Variants in TENT2 observed in about 807,000 individuals in gnomAD.
The protein encoded by TENT2 is poly(A) RNA polymerase GLD2.
Under a neutral mutation model 72.2 loss-of-function variants are expected in TENT2, and 44 were observed. That is an observed-to-expected ratio of 0.61 (90% confidence interval 0.48 to 0.78). The LOEUF (loss-of-function observed/expected upper bound fraction) is 0.78, where lower values mean the gene tolerates loss of function less well. Among genes scored for constraint, TENT2 ranks in the 30% least tolerant of loss-of-function variants. The pLI, the probability that TENT2 is intolerant of heterozygous loss-of-function variation, is 0.00. For synonymous variants in TENT2, 212 were observed against 192.5 expected (o/e 1.10, Z -0.84); for missense variants, 541 against 569.6 (o/e 0.95, Z 0.51).
At chr5:79,652,940 A>C (rs1190535353) in intron 10 of TENT2, among the ~76,000 whole-genome samples, 1 of 152,036 alleles carries the variant, frequency 6.6e-6, no homozygotes, top group Non-Finnish European at 1.5e-5. Flanking sequence ...CTTTCATTAA[A>C]AATGGAATAG....
At chr5:79,641,592 CT>C (rs954760603) in intron 6 of TENT2, among the ~76,000 whole-genome samples, 1 of 151,296 alleles carries the variant, frequency 6.6e-6, no homozygotes, top group Non-Finnish European at 1.5e-5. Flanking sequence ...TTAATCTTTA[CT>C]TTTTTTCTCT....
intron 1 of TENT2, among the ~76,000 whole-genome samples, chr5:79,616,464 G>A (rs966803725): frequency 6.6e-6 from 1 of 151,692 alleles, no homozygotes; most frequent in African/African-American, 2.4e-5. Context: ...CAAAGTGCTG[G>A]GATTATAGGC....
Position 79,640,895 on chromosome 5 carries a change from A to T in TENT2, c.510A>T (p.Gln170His), listed in dbSNP as rs1261120619. ...AGTTATTTGAAACATGTCAGCAGCA[A>T]ATAAGTGATTTAAAGAAGAAAGAAC... Reference protein sequence around the residue: ...ILELFETCQQQISDLKKKELC... With the variant: ...ILELFETCQQHISDLKKKELC... Residue 170 changes from glutamine to histidine, a missense_variant, in exon 5 of 15, where the codon CAA becomes CAT. Gln to His is a conservative substitution (Grantham distance 24). Transcript: ENST00000453514. The T allele has an allele frequency of 9.3e-6, 15 of 1,612,106 alleles. No homozygotes were observed. The highest frequency in any genetic ancestry group is 1.2e-5 in the Non-Finnish European group (14 of 1,179,318).
intron 13 of TENT2, among the ~76,000 whole-genome samples, chr5:79,681,054 T>G (rs1413793422): frequency 6.6e-6 from 1 of 151,926 alleles, no homozygotes; most frequent in African/African-American, 2.4e-5. Flanking sequence ...AAACTGTTCC[T>G]TTGTTTTTTT....
At chr5:79,657,097 C>T in intron 11 of TENT2, 96 bp downstream of exon 11, 1 of 806,156 alleles carries the variant, frequency 1.2e-6, no homozygotes, top group Non-Finnish European at 1.9e-6. Context: ...AGTAGTAAGG[C>T]TAAGTACATG....
intron 1 of TENT2, among the ~76,000 whole-genome samples, chr5:79,615,793 A>T (rs1187632732): frequency 6.6e-6 from 1 of 151,060 alleles, no homozygotes; most frequent in East Asian, 1.9e-4. Flanking sequence ...GCTCACTCCA[A>T]CCTCCGTCTC....
intron 4 of TENT2, among the ~76,000 whole-genome samples, chr5:79,630,090 G>A (rs1444057254): frequency 2.0e-5 from 3 of 152,010 alleles, no homozygotes; most frequent in East Asian, 1.9e-4. Flanking sequence ...AGCCAACATC[G>A]CGTCACTGTA....
chr5:79,623,485 ATAAGG>A lies in TENT2; in HGVS notation c.465_465+4del. 1 of 1,589,458 alleles carries A rather than the reference ATAAGG, an allele frequency of 6.3e-7. No individual in the cohort carries two copies. ...GAAATCACACTGCCTGAGGCCAAAGATAAGGTAATAATAATGTAGATTTTAGTTTT... is the reference window on the plus strand; with the variant it reads ...GAAATCACACTGCCTGAGGCCAAAGATAATAATAATGTAGATTTTAGTTTT... On this transcript the variant is annotated splice_donor_variant and coding_sequence_variant, in exon 4 of 15. Coordinates refer to ENST00000453514, the MANE Select transcript of TENT2 (RefSeq NM_001114394.3). LOFTEE classifies it high-confidence loss of function.
At chr5:79,678,533 A>G (rs1819112651) in intron 12 of TENT2, among the ~76,000 whole-genome samples, 1 of 152,214 alleles carries the variant, frequency 6.6e-6, no homozygotes, top group Non-Finnish European at 1.5e-5. Flanking sequence ...AATACTTGTA[A>G]TAACTGTTAG....
chr5:79,646,367 A>G (rs1344308550), intron 8 of TENT2, among the ~76,000 whole-genome samples: 2 of 152,248 alleles, frequency 1.3e-5, no homozygotes, highest in African/African-American at 4.8e-5. Flanking sequence ...TGATGAGTTT[A>G]TGAAAATGTG....
chr5:79,621,688 G>A (rs1347756604), intron 3 of TENT2, among the ~76,000 whole-genome samples: 2 of 150,740 alleles, frequency 1.3e-5, no homozygotes, highest in Non-Finnish European at 3.0e-5. Context: ...AACCCAGGAG[G>A]TGGAGCTTAC....
intron 10 of TENT2, among the ~76,000 whole-genome samples, chr5:79,655,687 G>A (rs1797427916): frequency 6.6e-6 from 1 of 151,636 alleles, no homozygotes; most frequent in Non-Finnish European, 1.5e-5. Context: ...ATGCCTCTTA[G>A]GGGAAAGGAA....
At chr5:79,618,100 T>C (rs192477076) in intron 1 of TENT2, among the ~76,000 whole-genome samples, 4 of 152,372 alleles carry the variant, frequency 2.6e-5, no homozygotes, top group African/African-American at 7.2e-5. Context: ...TTTTCTCTTC[T>C]GTTGTCTTGC....
chr5:79,623,734 G>A (rs2150012056), intron 4 of TENT2: 1 of 309,532 alleles, frequency 3.2e-6, no homozygotes, highest in Non-Finnish European at 5.9e-6. Flanking sequence ...TTAGAACCCA[G>A]ACACTTTCTG....
At chr5:79,677,421 T>C (rs902840352) in intron 12 of TENT2, among the ~76,000 whole-genome samples, 4 of 152,178 alleles carry the variant, frequency 2.6e-5, no homozygotes, top group Admixed American at 2.0e-4. Flanking sequence ...TCAGGATTTG[T>C]TTTAATAGAA....
At chr5:79,662,396 C>T (rs543421422) in intron 11 of TENT2, among the ~76,000 whole-genome samples, 2 of 152,250 alleles carry the variant, frequency 1.3e-5, no homozygotes, top group East Asian at 3.9e-4. Flanking sequence ...TGACTCCTTT[C>T]CAGAAAGCTT....
intron 7 of TENT2, 191 bp from the exon 8 acceptor site, chr5:79,644,932 G>T: frequency 2.1e-6 from 1 of 472,202 alleles, no homozygotes; most frequent in Non-Finnish European, 3.8e-6. Context: ...TTAATATAAA[G>T]CCCCCTAAAT....
At chr5:79,616,674 C>A (rs1021539992) in intron 1 of TENT2, among the ~76,000 whole-genome samples, 3 of 146,942 alleles carry the variant, frequency 2.0e-5, no homozygotes, top group Non-Finnish European at 4.5e-5. Context: ...AAGATATTTC[C>A]ATTTCCTCTG....
At chr5:79,658,246 G>C (rs1799321092) in intron 11 of TENT2, among the ~76,000 whole-genome samples, 1 of 152,064 alleles carries the variant, frequency 6.6e-6, no homozygotes, top group African/African-American at 2.4e-5. Flanking sequence ...TTCCAGTATA[G>C]CTAAGGATCA....
Sources: allele counts gnomAD v4.1 joint callset (sites outside exome capture counted in the v4.1 genomes callset), GRCh38; gene constraint gnomAD v4.1.1; transcripts MANE v1.5; gene names NCBI Gene and HGNC (gene_info 2026-07-23, HGNC 2026-07-21).